GRID2: variants seen among roughly 807,000 people sequenced by gnomAD.
GRID2 encodes glutamate ionotropic receptor delta type subunit 2.
A neutral mutation model predicts 114.8 loss-of-function variants in GRID2; 33 were observed. The ratio of observed to expected loss-of-function variants is 0.29; its 90% CI spans 0.22 to 0.38. The LOEUF is 0.38. Ranked by LOEUF, GRID2 falls within the 10% of genes least tolerant of loss-of-function variation. The pLI is 1.00. For synonymous variants in GRID2, 505 were observed against 449.9 expected (o/e 1.12, Z -1.55); for missense variants, 1,184 against 1,257.7 (o/e 0.94, Z 0.89).
At position 93,111,751 on chromosome 4, in the gene GRID2, C is replaced by CTTTTTTT. The variant is rs9307121; in HGVS notation, c.735+807_735+813dup. ...AGGACGGGAATTTATTTGTTTAATA[C>CTTTTTTT]TTTTTTTTTTTTTTTGCCTCATTTC... On this transcript the variant is annotated intron_variant, in intron 4 of 15. Transcript: ENST00000282020. Among the ~76,000 whole-genome samples, 449 of 131,374 alleles carry CTTTTTTT rather than the reference C, an allele frequency of 3.4e-3. 13 individuals are homozygous for CTTTTTTT. Among genetic ancestry groups the CTTTTTTT allele is most frequent in the South Asian group, 0.01 (41 of 4,070 alleles). 86.2% of individuals were successfully genotyped at this position (131,374 alleles called of 152,430 possible).
chr4:92,456,554 G>C (rs1473804063), intron 1 of GRID2, among the ~76,000 whole-genome samples: 2 of 152,022 alleles, frequency 1.3e-5, no homozygotes, highest in African/African-American at 2.4e-5. Context: ...GAACTCAGGG[G>C]AAAAGGTCTC....
At chr4:93,728,774 T>A (rs1730192974) in intron 14 of GRID2, among the ~76,000 whole-genome samples, 1 of 152,166 alleles carries the variant, frequency 6.6e-6, no homozygotes, top group Non-Finnish European at 1.5e-5. Flanking sequence ...CTTTGTTGGT[T>A]TAAAGTCTGT....
intron 2 of GRID2, among the ~76,000 whole-genome samples, chr4:92,658,291 C>T (rs74604597): frequency 1.6e-4 from 24 of 151,818 alleles, no homozygotes; most frequent in Admixed American, 3.3e-4. Context: ...ATGAATTATT[C>T]TAATTTCTCT....
chr4:93,654,078 A>G (rs1722804430), intron 14 of GRID2, among the ~76,000 whole-genome samples: 1 of 152,144 alleles, frequency 6.6e-6, no homozygotes, highest in Non-Finnish European at 1.5e-5. Flanking sequence ...AAGTGGACTT[A>G]TTGTAGCCCA....
chr4:93,081,194 T>C (rs540881912), intron 2 of GRID2, among the ~76,000 whole-genome samples: 10 of 152,118 alleles, frequency 6.6e-5, no homozygotes, highest in East Asian at 5.8e-4. Context: ...TCGGGACAAA[T>C]TGGTAAATAT....
chr4:92,778,647 C>G (rs1049169050), intron 2 of GRID2, among the ~76,000 whole-genome samples: 27 of 152,042 alleles, frequency 1.8e-4, no homozygotes, highest in Non-Finnish European at 1.5e-5. Flanking sequence ...TAGCATTTCA[C>G]AAATTGGCAA....
rs34304139 is a variant in GRID2, at chr4:92,438,578, C to CTGTGTG, written c.88+133860_88+133865dup. On this transcript the variant is annotated intron_variant, in intron 1 of 15. Coordinates refer to ENST00000282020, the MANE Select transcript of GRID2 (RefSeq NM_001510.4). ...TAATATTCATTTGGCAGTTTACCTTCTGTGTGTGTGTGTGTGTGTGTGTGT... is the reference window on the plus strand; with the variant it reads ...TAATATTCATTTGGCAGTTTACCTTCTGTGTGTGTGTGTGTGTGTGTGTGTGTGTGT... Among the ~76,000 whole-genome samples the CTGTGTG allele has an allele frequency of 4.1e-3, 610 of 147,002 alleles. 3 individuals carry two copies. The highest frequency in any genetic ancestry group is 0.014 in the African/African-American group (558 of 39,948).
chr4:93,662,784 G>T (rs897568976), intron 14 of GRID2, among the ~76,000 whole-genome samples: 1 of 152,084 alleles, frequency 6.6e-6, no homozygotes, highest in Non-Finnish European at 1.5e-5. Context: ...TAATTTCTTT[G>T]TCTAATAGTA....
At chr4:92,799,763 A>C (rs1740066666) in intron 2 of GRID2, among the ~76,000 whole-genome samples, 1 of 152,030 alleles carries the variant, frequency 6.6e-6, no homozygotes, top group South Asian at 2.1e-4. Context: ...TAGGGCTTCC[A>C]CATGTGCATT....
chr4:93,312,971 T>C (rs1756184364), intron 8 of GRID2, among the ~76,000 whole-genome samples: 1 of 152,184 alleles, frequency 6.6e-6, no homozygotes. Context: ...TTTTCAAACG[T>C]ATTTTATAGC....
At chr4:92,885,344 T>C (rs1746303297) in intron 2 of GRID2, among the ~76,000 whole-genome samples, 1 of 152,190 alleles carries the variant, frequency 6.6e-6, no homozygotes, top group Non-Finnish European at 1.5e-5. Flanking sequence ...CTTTCCTTAT[T>C]GTTGTTTGAT....
At chr4:93,058,753 T>A (rs114251482) in intron 2 of GRID2, among the ~76,000 whole-genome samples, 1 of 151,972 alleles carries the variant, frequency 6.6e-6, no homozygotes, top group African/African-American at 2.4e-5. Flanking sequence ...AAAAATATTT[T>A]TAAGTTATAT....
chr4:93,133,622 T>C (rs987176470), intron 4 of GRID2, among the ~76,000 whole-genome samples: 1 of 152,168 alleles, frequency 6.6e-6, no homozygotes, highest in African/African-American at 2.4e-5. Context: ...AAGATGAAGA[T>C]TTAAATGGAT....
intron 2 of GRID2, among the ~76,000 whole-genome samples, chr4:93,005,473 G>A (rs1215892185): frequency 2.0e-5 from 3 of 151,978 alleles, no homozygotes; most frequent in Non-Finnish European, 4.4e-5. Context: ...CATTCTTTCA[G>A]CAGCAGCAAG....
chr4:92,740,696 A>AT (rs1415387013), intron 2 of GRID2, among the ~76,000 whole-genome samples: 1,241 of 58,468 alleles, frequency 0.021, 12 homozygotes, highest in East Asian at 0.084. Context: ...TAGATGATAG[A>AT]TAGATAGATA....
At chr4:92,497,333 A>T (rs755944615) in intron 1 of GRID2, among the ~76,000 whole-genome samples, 2 of 151,878 alleles carry the variant, frequency 1.3e-5, no homozygotes, top group Non-Finnish European at 3.0e-5. Context: ...GGATAACATA[A>T]GGTTTTACCA....
intron 2 of GRID2, among the ~76,000 whole-genome samples, chr4:92,591,087 A>C (rs1227016677): frequency 6.6e-6 from 1 of 152,084 alleles, no homozygotes; most frequent in Non-Finnish European, 1.5e-5. Context: ...ATAGGTTGAA[A>C]CTGAATTCCC....
At chr4:92,610,263 A>ATGAC (rs1396903017) in intron 2 of GRID2, among the ~76,000 whole-genome samples, 1 of 151,612 alleles carries the variant, frequency 6.6e-6, no homozygotes, top group Non-Finnish European at 1.5e-5. Context: ...GCATTAGGGG[A>ATGAC]TGACTGAGCA....
chr4:92,568,738 A>T (rs962575795), intron 1 of GRID2, among the ~76,000 whole-genome samples: 1 of 151,900 alleles, frequency 6.6e-6, no homozygotes, highest in African/African-American at 2.4e-5. Context: ...TTCACCCTCC[A>T]GTAGGTCCCA....
Sources: allele counts gnomAD v4.1 joint callset (sites outside exome capture counted in the v4.1 genomes callset), GRCh38; gene constraint gnomAD v4.1.1; transcripts MANE v1.5; gene names NCBI Gene and HGNC (gene_info 2026-07-23, HGNC 2026-07-21).